Variants in PTK7 observed in about 807,000 individuals in gnomAD.
PTK7 encodes the protein inactive tyrosine-protein kinase 7.
In PTK7, 39 loss-of-function variants were observed where a neutral mutation model predicts 116.6. The observed-to-expected ratio is 0.33, with a 90% CI of 0.26 to 0.44. The LOEUF is 0.44. PTK7 is among the 20% of genes least tolerant of loss of function. PTK7 has a pLI of 1.00. For missense variants in PTK7, 1,169 were observed against 1,425.6 expected (o/e 0.82, Z 2.90); for synonymous variants, 546 against 563.6 (o/e 0.97, Z 0.44).
chr6:43,108,234 A>G (rs1038294850), intron 1 of PTK7, among the ~76,000 whole-genome samples: 1 of 151,452 alleles, frequency 6.6e-6, no homozygotes, highest in African/African-American at 2.4e-5. Context: ...AGCTGGGACT[A>G]CAGGCGCCTG....
At chr6:43,131,428 G>A (rs1769675249) in intron 5 of PTK7, among the ~76,000 whole-genome samples, 1 of 152,198 alleles carries the variant, frequency 6.6e-6, no homozygotes, top group East Asian at 1.9e-4. Flanking sequence ...CCGAGACTGA[G>A]CAGTTTACAA....
In PTK7 at chr6:43,139,422, AC is replaced by A. The variant is rs1770252373; in HGVS notation, c.1517del (p.Pro506HisfsTer43). On this transcript the variant is annotated frameshift_variant, in exon 10 of 20. Transcript: ENST00000230419. LOFTEE classifies it high-confidence loss of function. The surrounding 1 kb of genome is among the most constrained non-coding windows in gnomAD (Gnocchi z 4.6). ...VQVLEKLKFT[P>X]PPQPQQCMEF... Reference sequence around the variant, plus strand: ...CTGAAACAGAAAAGCTCAAGTTCACACCACCACCCCAGCCACAGCAGTGCAT... The same window carrying A: ...CTGAAACAGAAAAGCTCAAGTTCACACACCACCCCAGCCACAGCAGTGCAT... 6.2e-7 allele frequency: 1 copy of A among 1,614,168 alleles called. No individual in the cohort carries two copies. The highest frequency in any genetic ancestry group is 1.3e-5 in the African/African-American group (1 of 75,034).
At chr6:43,120,533 A>G (rs1178046579) in intron 1 of PTK7, among the ~76,000 whole-genome samples, 2 of 152,136 alleles carry the variant, frequency 1.3e-5, no homozygotes, top group African/African-American at 4.8e-5. Flanking sequence ...GCTGCCTCAG[A>G]CCCCACACAC....
chr6:43,157,354 ATATATATATATTTTTTTTTTTCTTTTT>A (rs1340200221), intron 17 of PTK7, among the ~76,000 whole-genome samples: 1 of 3,724 alleles, frequency 2.7e-4, no homozygotes, highest in African/African-American at 9.4e-4. Context: ...ATATATATAT[ATATATATATATTTTTTTTTTTCTTTTT>A]TTTTTTTTTT....
Position 43,129,990 on chromosome 6 carries a change from C to T in PTK7, c.470+161C>T, listed in dbSNP as rs1769557487. Reference sequence around the variant, plus strand: ...GCCCTCCCCCAGATATTGCCCTATGCCGGCCCCTGGTGGCCTGAAGAGTGA... The same window carrying T: ...GCCCTCCCCCAGATATTGCCCTATGTCGGCCCCTGGTGGCCTGAAGAGTGA... On this transcript the variant is annotated intron_variant, in intron 3 of 19. Coordinates refer to ENST00000230419, the MANE Select transcript of PTK7 (RefSeq NM_002821.5). This position sits in a 1 kb window ranked among gnomAD's most constrained non-coding sequence, Gnocchi z 4.5. Among the ~76,000 whole-genome samples, 1 of 152,210 alleles carries T rather than the reference C, an allele frequency of 6.6e-6. No individual in the cohort carries two copies. The highest frequency in any genetic ancestry group is 2.1e-4 in the South Asian group (1 of 4,836).
intron 17 of PTK7, among the ~76,000 whole-genome samples, chr6:43,153,986 A>G (rs1771274196): frequency 6.6e-6 from 1 of 152,040 alleles, no homozygotes; most frequent in African/African-American, 2.4e-5. Flanking sequence ...AAAATGGTGA[A>G]ACCCCGTTTC....
chr6:43,083,742 G>C (rs1252644447), intron 1 of PTK7, among the ~76,000 whole-genome samples: 1 of 152,214 alleles, frequency 6.6e-6, no homozygotes, highest in African/African-American at 2.4e-5. Context: ...TGAACGCTCA[G>C]GTGACTAGAA....
intron 15 of PTK7, 82 bp downstream of exon 15, chr6:43,144,688 T>C: frequency 6.8e-7 from 1 of 1,477,096 alleles, no homozygotes; most frequent in East Asian, 2.3e-5. Context: ...GCTAGTGTTC[T>C]GAAGTCCCTG....
chr6:43,136,337 A>G (rs548480204), intron 7 of PTK7, among the ~76,000 whole-genome samples: 1 of 150,806 alleles, frequency 6.6e-6, no homozygotes, highest in African/African-American at 2.4e-5. Flanking sequence ...TCCAACTCAA[A>G]AAAAAAAAAA....
chr6:43,137,529 G>C (rs1158746424), intron 7 of PTK7, among the ~76,000 whole-genome samples: 1 of 152,200 alleles, frequency 6.6e-6, no homozygotes. Context: ...TGAGATGCCT[G>C]TTGGATATCC....
Position 43,145,392 on chromosome 6 carries a change from A to T in PTK7, c.2600A>T (p.Glu867Val). ...GTGCGGCTCCTGGGGCTGTGCCGGGAGGCTGAGCCCCACTACATGGTGCTG... is the reference window on the plus strand; with the variant it reads ...GTGCGGCTCCTGGGGCTGTGCCGGGTGGCTGAGCCCCACTACATGGTGCTG... ...NVVRLLGLCR[E>V]AEPHYMVLEY... Residue 867 changes from glutamate (E) to valine (V), a missense_variant, in exon 16 of 20, where the codon GAG (glutamate) becomes GTG (valine). Coordinates refer to ENST00000230419, the MANE Select transcript of PTK7 (RefSeq NM_002821.5). This position sits in a 1 kb window ranked among gnomAD's most constrained non-coding sequence, Gnocchi z 4.8. 1 of 1,607,984 alleles carries T rather than the reference A, an allele frequency of 6.2e-7. No individual in the cohort carries two copies. Among genetic ancestry groups the T allele is most frequent in the South Asian group, 1.1e-5 (1 of 90,470 alleles).
At chr6:43,105,402 C>T (rs1373040347) in intron 1 of PTK7, among the ~76,000 whole-genome samples, 2 of 132,594 alleles carry the variant, frequency 1.5e-5, no homozygotes, top group Admixed American at 1.7e-4. Flanking sequence ...TGAATGAGGT[C>T]GAATTATATG....
intron 1 of PTK7, among the ~76,000 whole-genome samples, chr6:43,110,389 TTTG>T (rs999265042): frequency 8.6e-5 from 13 of 150,354 alleles, no homozygotes; most frequent in Admixed American, 7.3e-4. Flanking sequence ...AGGTTTTTTT[TTTG>T]TTGTTGTTGT....
At chr6:43,090,409 A>T (rs1398667341) in intron 1 of PTK7, among the ~76,000 whole-genome samples, 1 of 152,210 alleles carries the variant, frequency 6.6e-6, no homozygotes, top group Non-Finnish European at 1.5e-5. Flanking sequence ...GGTATTTGCA[A>T]ATTTGAAACA....
chr6:43,093,019 G>T (rs750646628), intron 1 of PTK7, among the ~76,000 whole-genome samples: 7 of 152,234 alleles, frequency 4.6e-5, no homozygotes, highest in Non-Finnish European at 1.0e-4. Flanking sequence ...AAAGCATCAT[G>T]CTAAGTATTG....
In PTK7 at chr6:43,079,824, A is replaced by C. The variant is rs577092343; in HGVS notation, c.79+3257A>C. On this transcript the variant is annotated intron_variant, in intron 1 of 19. Transcript: ENST00000230419. Reference sequence around the variant, plus strand: ...CTGTTATCCCACCACTTTGGGAGGCAGAGGGAGGAGGATCGCTTGAGCCCA... The same window carrying C: ...CTGTTATCCCACCACTTTGGGAGGCCGAGGGAGGAGGATCGCTTGAGCCCA... 2.7e-5 allele frequency among the ~76,000 whole-genome samples: 4 copies of C among 150,152 alleles called. No homozygotes were observed. In the South Asian group the frequency reaches 6.3e-4, roughly 24 times the overall value.
chr6:43,088,104 C>T (rs1258481565), intron 1 of PTK7, among the ~76,000 whole-genome samples: 1 of 151,614 alleles, frequency 6.6e-6, no homozygotes, highest in Non-Finnish European at 1.5e-5. Flanking sequence ...TTGAGACTAG[C>T]CTGGGGAACA....
chr6:43,144,623 A>C lies in PTK7; in HGVS notation c.2407+17A>C. ...CCACGCTGGGTATGTTGCCTTGACTACAGCTGCCCCTGCCTAACTACAAGT... is the reference window on the plus strand; with the variant it reads ...CCACGCTGGGTATGTTGCCTTGACTCCAGCTGCCCCTGCCTAACTACAAGT... On this transcript the variant is annotated intron_variant, in intron 15 of 19. Transcript: ENST00000230419. 1 of 1,595,688 alleles carries C rather than the reference A, an allele frequency of 6.3e-7. No individual in the cohort carries two copies. The highest frequency in any genetic ancestry group is 8.6e-7 in the Non-Finnish European group (1 of 1,167,990).
At chr6:43,111,948 C>T (rs543017923) in intron 1 of PTK7, among the ~76,000 whole-genome samples, 1 of 151,838 alleles carries the variant, frequency 6.6e-6, no homozygotes, top group South Asian at 2.1e-4. Flanking sequence ...TCCCAAAGTG[C>T]TGGGATTACA....
Sources: gnomAD v4.1 joint callset for allele counts (sites outside exome capture counted in the v4.1 genomes callset) on GRCh38, gnomAD v4.1.1 for gene constraint, Gnocchi (gnomAD v3.1) non-coding constraint, MANE v1.5 for transcripts, NCBI Gene and HGNC (gene_info 2026-07-23, HGNC 2026-07-21) for gene names.